The following METTL15 variants were observed in gnomAD, a reference collection of about 807,000 sequenced individuals.
METTL15 encodes the protein methyltransferase 15, mitochondrial 12S rRNA N4-cytidine.
METTL15 carries 34 observed loss-of-function variants against 38.3 expected under a neutral mutation model. The ratio of observed to expected loss-of-function variants is 0.89; its 90% CI spans 0.68 to 1.18. The LOEUF (loss-of-function observed/expected upper bound fraction) is 1.18. Ranked by LOEUF, METTL15 falls within the 50% of genes most tolerant of loss-of-function variation. The pLI is 0.00. For missense variants in METTL15, 438 were observed against 498.4 expected, an observed-to-expected ratio of 0.88 and a Z score of 1.15; for synonymous variants, 162 against 170.9, an observed-to-expected ratio of 0.95 and a Z score of 0.41.
chr11:28,338,187 T>C (rs1054109312), downstream of METTL15, among the ~76,000 whole-genome samples: 5 of 152,020 alleles, frequency 3.3e-5, no homozygotes, highest in African/African-American at 1.2e-4. Context: ...GCAAACATCT[T>C]CAAAAGGGCC....
chr11:28,287,156 A>AGTG (rs1856306987), intron 4 of METTL15: 3 of 140,442 alleles, frequency 2.1e-5, no homozygotes, highest in African/African-American at 5.4e-5. Context: ...GAGAGAGACA[A>AGTG]TGTGTGTGTG....
chr11:28,525,618 G>A (rs558164761), intron 6 of METTL15, among the ~76,000 whole-genome samples: 1 of 152,138 alleles, frequency 6.6e-6, no homozygotes, highest in Admixed American at 6.5e-5. Context: ...AGTGCTGATT[G>A]GTGCATTTAC....
At chr11:28,207,318 AG>A (rs1284560003) in intron 3 of METTL15, among the ~76,000 whole-genome samples, 1 of 152,118 alleles carries the variant, frequency 6.6e-6, no homozygotes, top group Non-Finnish European at 1.5e-5. Context: ...TTTAGCATGA[AG>A]GGCTGTTGAA....
At chr11:28,366,588 T>A (rs909850916) in intron 5 of METTL15, among the ~76,000 whole-genome samples, 1 of 152,136 alleles carries the variant, frequency 6.6e-6, no homozygotes, top group Admixed American at 6.5e-5. Flanking sequence ...GGAGCCTACC[T>A]AGTAGGGCTT....
At chr11:28,153,761 T>G (rs980117885) in intron 3 of METTL15, among the ~76,000 whole-genome samples, 8 of 152,098 alleles carry the variant, frequency 5.3e-5, no homozygotes, top group Non-Finnish European at 4.4e-5. Flanking sequence ...GATAAAATAT[T>G]ATACTCACTG....
At chr11:28,206,465 A>G (rs1330326076) in intron 3 of METTL15, among the ~76,000 whole-genome samples, 3 of 151,976 alleles carry the variant, frequency 2.0e-5, no homozygotes, top group Admixed American at 1.3e-4. Context: ...CCATTGGTCT[A>G]TATCTCTGTT....
intron 6 of METTL15, among the ~76,000 whole-genome samples, chr11:28,305,499 T>A (rs1321740969): frequency 7.0e-6 from 1 of 143,268 alleles, no homozygotes; most frequent in Admixed American, 6.9e-5. Flanking sequence ...AACTGAAGTA[T>A]AAAAAGATTA....
rs538836718 is a variant in METTL15 at position 28,424,602 on chromosome 11, T to C, written c.*424+238T>C. 8.5e-5 allele frequency among the ~76,000 whole-genome samples: 13 copies of C among 152,304 alleles called. No homozygotes were observed. The East Asian group carries it at 2.5e-3, about 29-fold the overall frequency. On this transcript the variant is annotated intron_variant and NMD_transcript_variant, in intron 6 of 7. Transcript: ENST00000532947. The stretch of plus-strand genomic sequence containing the variant: ...TCAGTTACAGAACTTTTATATTCTA[T>C]GAGTAACTGGATTGTTAAAACATGT...
chr11:28,153,708 T>A (rs972999101), intron 3 of METTL15, among the ~76,000 whole-genome samples: 1 of 152,266 alleles, frequency 6.6e-6, no homozygotes, highest in East Asian at 1.9e-4. Flanking sequence ...GGGCAAAGAA[T>A]GTGCTTAGAA....
At chr11:28,455,720 T>G (rs947487559) in intron 6 of METTL15, among the ~76,000 whole-genome samples, 2 of 152,190 alleles carry the variant, frequency 1.3e-5, no homozygotes, top group African/African-American at 4.8e-5. Flanking sequence ...TTATTTTATT[T>G]TTTTGAGACG....
At chr11:28,409,381 CAAAAAA>C (rs58050337) in intron 5 of METTL15, among the ~76,000 whole-genome samples, 45 of 81,344 alleles carry the variant, frequency 5.5e-4, no homozygotes, top group African/African-American at 2.0e-3. Flanking sequence ...GACTCCGTCT[CAAAAAA>C]AAAAAAAAAA....
intron 6 of METTL15, among the ~76,000 whole-genome samples, chr11:28,498,289 G>A (rs1851552791): frequency 1.3e-5 from 2 of 151,944 alleles, no homozygotes; most frequent in Admixed American, 1.3e-4. Context: ...CTCCGGAGTA[G>A]CTGGGACTAT....
rs549470590 is a variant in METTL15, at chr11:28,438,928, C to T, written c.*424+14564C>T. ...CTGACTGCAGGTGATCCACCCACCT[C>T]GGCCTCCCAAAGTGCTGGGATTACA... is the stretch of plus-strand genomic sequence containing the variant. On this transcript the variant is annotated intron_variant and NMD_transcript_variant, in intron 6 of 7. Transcript: ENST00000532947. Among the ~76,000 whole-genome samples the T allele has an allele frequency of 3.3e-5, 5 of 151,952 alleles. 1 individual carries two copies. The highest frequency in any genetic ancestry group is 3.9e-4 in the East Asian group (2 of 5,140).
At chr11:28,184,174 G>A (rs116169184) in intron 3 of METTL15, among the ~76,000 whole-genome samples, 7,740 of 151,686 alleles carry the variant, frequency 0.051, 689 homozygotes, top group African/African-American at 0.18. Flanking sequence ...CTTGCCTAGC[G>A]GTCTATCTGT....
At chr11:28,432,075 G>A (rs1850937124) in intron 6 of METTL15, among the ~76,000 whole-genome samples, 1 of 152,188 alleles carries the variant, frequency 6.6e-6, no homozygotes, top group South Asian at 2.1e-4. Context: ...AAAATCTTCT[G>A]TGACTTGGAC....
At chr11:28,377,943 A>T (rs901575315) in intron 5 of METTL15, among the ~76,000 whole-genome samples, 1 of 152,004 alleles carries the variant, frequency 6.6e-6, no homozygotes, top group South Asian at 2.1e-4. Context: ...TCCCTGCTGG[A>T]GGGTGCCTCC....
chr11:28,520,808 A>G (rs965218701), intron 6 of METTL15, among the ~76,000 whole-genome samples: 7 of 152,236 alleles, frequency 4.6e-5, no homozygotes, highest in African/African-American at 1.7e-4. Flanking sequence ...GTTAAAGTAA[A>G]TTTGGGTGGT....
At chr11:28,321,690 A>G (rs1029363379) in intron 6 of METTL15, among the ~76,000 whole-genome samples, 5 of 152,114 alleles carry the variant, frequency 3.3e-5, no homozygotes, top group Non-Finnish European at 1.5e-5. Context: ...CAATTAATAC[A>G]TTGGAATACG....
chr11:28,334,272 A>G (rs1167789803), downstream of METTL15, among the ~76,000 whole-genome samples: 1 of 152,072 alleles, frequency 6.6e-6, no homozygotes. Flanking sequence ...AAAAAGAAAT[A>G]TTAGGTAATT....
Sources: allele counts gnomAD v4.1 joint callset (sites outside exome capture counted in the v4.1 genomes callset), GRCh38; gene constraint gnomAD v4.1.1; transcripts MANE v1.5; gene names NCBI Gene and HGNC (gene_info 2026-07-23, HGNC 2026-07-21).